Variants in NBAS observed in about 807,000 individuals in gnomAD.
The protein encoded by NBAS is NAG/BC035112 fusion.
A neutral mutation model predicts 302.5 loss-of-function variants in NBAS; 219 were observed. That is an observed-to-expected ratio of 0.72 (90% CI 0.65 to 0.81). The LOEUF (loss-of-function observed/expected upper bound fraction) is 0.81, where lower values mean the gene tolerates loss of function less well. NBAS is among the 30% of genes least tolerant of loss of function. The probability of loss-of-function intolerance (pLI) is 0.00; values close to 1 mark genes in which losing one functional copy is unlikely to be tolerated. For missense variants in NBAS, 2,932 were observed against 2,841.6 expected, an observed-to-expected ratio of 1.03 and a Z score of -0.72; for synonymous variants, 1,118 against 1,021.6, an observed-to-expected ratio of 1.09 and a Z score of -1.80.
At chr2:15,538,654 A>G (rs1663640682) in intron 7 of NBAS, among the ~76,000 whole-genome samples, 1 of 152,190 alleles carries the variant, frequency 6.6e-6, no homozygotes, top group African/African-American at 2.4e-5. Flanking sequence ...AAAAAGCACT[A>G]TATTCCTAGA....
intron 12 of NBAS, 142 bp downstream of exon 12, chr2:15,488,749 CTGA>C: frequency 6.7e-6 from 7 of 1,051,484 alleles, no homozygotes; most frequent in Non-Finnish European, 9.8e-6. Context: ...TCCCACTGTA[CTGA>C]TATCATAATT....
rs192134013 is a variant in NBAS, at chr2:15,444,190, C to T, written c.2340-16396G>A. Among the ~76,000 whole-genome samples, 873 of 150,082 alleles carry T rather than the reference C, an allele frequency of 5.8e-3. 6 individuals carry two copies. The highest frequency in any genetic ancestry group is 0.024 in the East Asian group (116 of 4,848). On this transcript the variant is annotated intron_variant, in intron 21 of 51. Transcript: ENST00000281513. ...TATGGAACCAAAAAAGAGCCTGCAA[C>T]ACCAAGTCAATCTTAAGCCAAAAGA...
intron 31 of NBAS, among the ~76,000 whole-genome samples, chr2:15,373,839 A>G (rs912874773): frequency 1.3e-5 from 2 of 152,332 alleles, no homozygotes; most frequent in African/African-American, 2.4e-5. Context: ...AAGAACAGAG[A>G]TAACAGATTA....
At chr2:14,899,703 C>G in the NBAS span, among the ~76,000 whole-genome samples, 42,553 of 151,530 alleles carry the variant, frequency 0.28, 6,658 homozygotes, top group African/African-American at 0.42. Context: ...CACTTCTGCC[C>G]ATTCTTTCAG....
At chr2:15,552,054 T>C (rs1245704656) in intron 5 of NBAS, among the ~76,000 whole-genome samples, 2 of 152,162 alleles carry the variant, frequency 1.3e-5, no homozygotes, top group African/African-American at 4.8e-5. Context: ...ATATACCAAG[T>C]AGAATAATTA....
At chr2:15,208,470 C>A (rs939872939) in intron 48 of NBAS, among the ~76,000 whole-genome samples, 1 of 152,122 alleles carries the variant, frequency 6.6e-6, no homozygotes, top group Non-Finnish European at 1.5e-5. Context: ...ACTTCAACAC[C>A]CGACTTTCAG....
the NBAS span, among the ~76,000 whole-genome samples, chr2:14,863,448 G>T: frequency 6.6e-6 from 1 of 152,156 alleles, no homozygotes; most frequent in Non-Finnish European, 1.5e-5. Flanking sequence ...GGGAGATCAC[G>T]AGATCCATTG....
chr2:14,829,760 G>A, the NBAS span, among the ~76,000 whole-genome samples: 1 of 152,198 alleles, frequency 6.6e-6, no homozygotes, highest in African/African-American at 2.4e-5. Context: ...TTTGCCACAA[G>A]GCTTACCTGG....
At chr2:15,489,101 AG>A in intron 11 of NBAS, 79 bp from the exon 12 acceptor site, 8 of 1,485,058 alleles carry the variant, frequency 5.4e-6, no homozygotes, top group Non-Finnish European at 7.5e-6. Context: ...CACTCTTTAG[AG>A]GTGCCAAGTT....
intron 45 of NBAS, among the ~76,000 whole-genome samples, chr2:15,235,226 A>C (rs1329509780): frequency 6.6e-6 from 1 of 152,216 alleles, no homozygotes; most frequent in Admixed American, 6.5e-5. Flanking sequence ...TAACCCGGCA[A>C]GTATTTTTAA....
At chr2:15,351,126 C>T (rs570935917) in intron 35 of NBAS, among the ~76,000 whole-genome samples, 3 of 152,042 alleles carry the variant, frequency 2.0e-5, no homozygotes, top group East Asian at 3.9e-4. Context: ...CTATGCACAC[C>T]GAAATTGATT....
chr2:15,350,758 T>A (rs1479510292), intron 35 of NBAS, among the ~76,000 whole-genome samples: 2 of 152,180 alleles, frequency 1.3e-5, no homozygotes, highest in Non-Finnish European at 2.9e-5. Flanking sequence ...TATCTCCATC[T>A]CATTAGTAAT....
chr2:15,098,877 G>A, the NBAS span, among the ~76,000 whole-genome samples: 2 of 151,198 alleles, frequency 1.3e-5, no homozygotes, highest in Non-Finnish European at 2.9e-5. Flanking sequence ...GTTAAATAGT[G>A]ATGACACAGA....
At chr2:15,493,969 G>A (rs961839891) in intron 11 of NBAS, among the ~76,000 whole-genome samples, 3 of 151,804 alleles carry the variant, frequency 2.0e-5, no homozygotes, top group Non-Finnish European at 4.4e-5. Context: ...GGGATTACAG[G>A]CACCTGCCAC....
intron 3 of NBAS, among the ~76,000 whole-genome samples, chr2:15,554,537 A>G (rs778776720): frequency 2.0e-5 from 3 of 151,192 alleles, no homozygotes; most frequent in Non-Finnish European, 4.4e-5. Flanking sequence ...TCCAAGTACT[A>G]GAAATGAAAA....
chr2:15,099,934 G>A, the NBAS span, among the ~76,000 whole-genome samples: 1 of 152,168 alleles, frequency 6.6e-6, no homozygotes, highest in African/African-American at 2.4e-5. Flanking sequence ...TTTCAGTGGG[G>A]AAATCTAGGG....
At chr2:14,985,305 C>A in the NBAS span, among the ~76,000 whole-genome samples, 17 of 152,164 alleles carry the variant, frequency 1.1e-4, no homozygotes, top group African/African-American at 2.9e-4. Flanking sequence ...CACTGTCAGT[C>A]CTGCCCAGGT....
chr2:15,432,228 T>C (rs2148493492), intron 21 of NBAS, among the ~76,000 whole-genome samples: 1 of 151,972 alleles, frequency 6.6e-6, no homozygotes, highest in Non-Finnish European at 1.5e-5. Context: ...TATTTGTCTA[T>C]TTTTCCCCTG....
At chr2:15,255,538 C>T (rs1252638938) in intron 44 of NBAS, among the ~76,000 whole-genome samples, 1 of 152,106 alleles carries the variant, frequency 6.6e-6, no homozygotes, top group African/African-American at 2.4e-5. Context: ...ATTTCTTTTG[C>T]AGTGTAGATG....
Sources: allele counts gnomAD v4.1 joint callset (sites outside exome capture counted in the v4.1 genomes callset), GRCh38; gene constraint gnomAD v4.1.1; transcripts MANE v1.5; gene names NCBI Gene and HGNC (gene_info 2026-07-23, HGNC 2026-07-21).